The following MDN1 variants were observed in gnomAD, a reference collection of about 807,000 sequenced individuals.
The protein encoded by MDN1 is midasin AAA ATPase 1.
In MDN1, 266 loss-of-function variants were observed where a neutral mutation model predicts 669.2. That is an observed-to-expected ratio of 0.40 (90% CI 0.36 to 0.44). The LOEUF is 0.44. Among genes scored for constraint, MDN1 ranks in the 20% least tolerant of loss-of-function variants. MDN1 has a pLI of 1.00. For missense variants in MDN1, 5,940 were observed against 6,754.0 expected (o/e 0.88, Z 4.22); for synonymous variants, 2,385 against 2,457.1 (o/e 0.97, Z 0.87).
intron 2 of MDN1, 102 bp from the exon 3 acceptor site, chr6:89,794,903 T>A: frequency 1.1e-6 from 1 of 919,994 alleles, no homozygotes; most frequent in Admixed American, 2.5e-5. Flanking sequence ...CATTTTCAAC[T>A]TAAGCTATTT....
intron 12 of MDN1, among the ~76,000 whole-genome samples, chr6:89,775,640 A>G (rs1021042088): frequency 6.6e-6 from 1 of 152,194 alleles, no homozygotes; most frequent in African/African-American, 2.4e-5. Flanking sequence ...TAGTGAGTAT[A>G]CAGGTATTCA....
chr6:89,715,503 C>T (rs1294147214), intron 45 of MDN1, 150 bp downstream of exon 45: 3 of 618,020 alleles, frequency 4.9e-6, no homozygotes, highest in African/African-American at 3.7e-5. Flanking sequence ...AGTAAAGCCT[C>T]AGTAAGTATT....
At chr6:89,738,260 T>C in intron 33 of MDN1, 66 bp downstream of exon 33, 1 of 1,561,012 alleles carries the variant, frequency 6.4e-7, no homozygotes, top group Non-Finnish European at 8.7e-7. Context: ...CTGTAAGAGA[T>C]CCCTCAACTC....
chr6:89,792,714 G>A (rs1473595718), intron 5 of MDN1, among the ~76,000 whole-genome samples: 2 of 150,350 alleles, frequency 1.3e-5, no homozygotes, highest in Admixed American at 6.6e-5. Flanking sequence ...GAACCCAACT[G>A]ATGGGTTCAA....
chr6:89,739,093 G>C (rs1816153220), intron 32 of MDN1, among the ~76,000 whole-genome samples: 1 of 152,054 alleles, frequency 6.6e-6, no homozygotes. Context: ...CCTTTTACTT[G>C]ATGATCATCT....
At position 89,727,817 on chromosome 6, in the gene MDN1, C is replaced by T; in HGVS notation, c.5472+16G>A. The T allele has an allele frequency of 1.2e-6, 2 of 1,608,862 alleles. No homozygotes were observed. Among genetic ancestry groups the T allele is most frequent in the Non-Finnish European group, 1.7e-6 (2 of 1,177,074 alleles). ...CACATGATCACCGTCTTGGGCATGA[C>T]AAACAGGCCCCTCACCTCATCCAAC... On this transcript the variant is annotated intron_variant, in intron 37 of 101. Coordinates refer to ENST00000369393, the MANE Select transcript of MDN1 (RefSeq NM_014611.3).
At chr6:89,663,673 GCCTGTAATCCCAGCA>G (rs1288914793) in intron 85 of MDN1, among the ~76,000 whole-genome samples, 1 of 152,040 alleles carries the variant, frequency 6.6e-6, no homozygotes, top group Non-Finnish European at 1.5e-5. Context: ...GGTGGCTCAC[GCCTGTAATCCCAGCA>G]CTTTGGGAGG....
chr6:89,785,477 C>T (rs769400494), intron 8 of MDN1, among the ~76,000 whole-genome samples: 9 of 152,194 alleles, frequency 5.9e-5, no homozygotes, highest in Non-Finnish European at 1.3e-4. Flanking sequence ...AGGCTCATAG[C>T]ATTAACATTA....
At chr6:89,670,155 TATA>T (rs1810575126) in intron 83 of MDN1, among the ~76,000 whole-genome samples, 1 of 23,106 alleles carries the variant, frequency 4.3e-5, no homozygotes, top group Non-Finnish European at 7.2e-5. Context: ...TATATATATA[TATA>T]TATATATATA....
At chr6:89,738,522 GA>G in intron 32 of MDN1, 67 bp from the exon 33 acceptor site, 1 of 1,567,658 alleles carries the variant, frequency 6.4e-7, no homozygotes, top group South Asian at 1.1e-5. Context: ...AACAAGTCTT[GA>G]AAGAATGTTG....
intron 4 of MDN1, 56 bp downstream of exon 4, chr6:89,794,044 A>G (rs1439083389): frequency 6.9e-7 from 1 of 1,459,784 alleles, no homozygotes; most frequent in Non-Finnish European, 9.4e-7. Context: ...CACCCCCAGA[A>G]AAGAAAAAAA....
intron 48 of MDN1, 73 bp downstream of exon 48, chr6:89,712,502 G>A: frequency 7.0e-7 from 1 of 1,426,584 alleles, no homozygotes; most frequent in South Asian, 1.2e-5. Context: ...TAAATATATT[G>A]TGTCCTGACC....
At chr6:89,813,549 C>CA (rs531368427) in intron 1 of MDN1, among the ~76,000 whole-genome samples, 13,438 of 67,694 alleles carry the variant, frequency 0.2, 860 homozygotes, top group South Asian at 0.29. Flanking sequence ...GACTCTGTCT[C>CA]AAAAAAAAAA....
rs1011928107 is a variant in MDN1 at position 89,762,494 on chromosome 6, G to C, written c.2181C>G (p.Pro727=). Reference sequence around the variant, plus strand: ...AGAGTTCCTCAAATGCCTCCCGTAAGGGTAGCCAAATAAGCTTATGGTCCA... The same window carrying C: ...AGAGTTCCTCAAATGCCTCCCGTAACGGTAGCCAAATAAGCTTATGGTCCA... ...KPVDHKLIWL[P]LREAFEELFA... Residue 727 remains proline, a synonymous_variant, in exon 16 of 102, where the codon CCC becomes CCG. Transcript: ENST00000369393. The C allele has an allele frequency of 1.9e-6, 3 of 1,613,930 alleles. No homozygotes were observed. Among genetic ancestry groups the C allele is most frequent in the Non-Finnish European group, 2.5e-6 (3 of 1,179,926 alleles).
At chr6:89,653,648 A>C (rs1365170755) in intron 93 of MDN1, among the ~76,000 whole-genome samples, 1 of 152,232 alleles carries the variant, frequency 6.6e-6, no homozygotes, top group Non-Finnish European at 1.5e-5. Flanking sequence ...AAGCAGAAGA[A>C]AAAGCCTCTG....
At position 89,754,181 on chromosome 6, in the gene MDN1, T is replaced by G; in HGVS notation, c.2866A>C (p.Thr956Pro). 1 of 1,614,122 alleles carries G rather than the reference T, an allele frequency of 6.2e-7. No individual in the cohort carries two copies. ...KESGTKLVDGTGHRPHYSLRT... is the reference protein window; with the variant it reads ...KESGTKLVDGPGHRPHYSLRT... ...AGGCTGTAGTGAGGTCTATGGCCAGTGCCATCCACCAGTTTGGTCCCAGAC... is the reference window on the plus strand; with the variant it reads ...AGGCTGTAGTGAGGTCTATGGCCAGGGCCATCCACCAGTTTGGTCCCAGAC... The change falls in exon 21 of 102, where the codon ACT (threonine) becomes CCT (proline). Residue 956 changes from threonine to proline, a missense_variant. Thr to Pro is a conservative substitution (Grantham distance 38, BLOSUM62 -1). Transcript: ENST00000369393.
chr6:89,665,963 C>A lies in MDN1; in HGVS notation c.14095-1335G>T, dbSNP rs1007879708. Among the ~76,000 whole-genome samples, 5 of 152,172 alleles carry A rather than the reference C, an allele frequency of 3.3e-5. No individual in the cohort carries two copies. In the South Asian group the frequency reaches 1.0e-3, roughly 31 times the overall value. ...ACTGAGGCATGAAAATCTCTTGAAC[C>A]CGGGAGCTGGAGGTTGCAGTTGAGC... is the stretch of plus-strand genomic sequence containing the variant. On this transcript the variant is annotated intron_variant, in intron 84 of 101. Transcript: ENST00000369393.
intron 2 of MDN1, among the ~76,000 whole-genome samples, chr6:89,801,043 C>T (rs780820105): frequency 3.3e-5 from 5 of 152,162 alleles, no homozygotes; most frequent in African/African-American, 4.8e-5. Flanking sequence ...TCACAGCAGG[C>T]GCTGGTCAAG....
At chr6:89,754,659 C>T (rs1817140937) in intron 20 of MDN1, among the ~76,000 whole-genome samples, 1 of 152,148 alleles carries the variant, frequency 6.6e-6, no homozygotes, top group South Asian at 2.1e-4. Flanking sequence ...ACTGACAAAA[C>T]GTTAAAAAGC....
Sources: allele counts gnomAD v4.1 joint callset (sites outside exome capture counted in the v4.1 genomes callset), GRCh38; gene constraint gnomAD v4.1.1; transcripts MANE v1.5; gene names NCBI Gene and HGNC (gene_info 2026-07-23, HGNC 2026-07-21).